Variants in DNAH11 observed in about 807,000 individuals in gnomAD.
DNAH11 encodes the protein axonemal beta dynein heavy chain 11.
In DNAH11, 442 loss-of-function variants were observed where a neutral mutation model predicts 526.0. That is an observed-to-expected ratio of 0.84 (90% CI 0.78 to 0.91). The LOEUF (loss-of-function observed/expected upper bound fraction) is 0.91, where lower values mean the gene tolerates loss of function less well. DNAH11 is among the 40% of genes least tolerant of loss of function. The pLI is 0.00. For missense variants in DNAH11, 6,989 were observed against 5,448.7 expected, an observed-to-expected ratio of 1.28 and a Z score of -8.90; for synonymous variants, 2,461 against 1,935.9, an observed-to-expected ratio of 1.27 and a Z score of -7.12.
chr7:21,710,504 T>C, intron 40 of DNAH11, 49 bp from the exon 41 acceptor site: 2 of 1,490,398 alleles, frequency 1.3e-6, no homozygotes, highest in African/African-American at 1.4e-5. Context: ...AGATGAATAA[T>C]ATCAATCTAT....
In DNAH11 at chr7:21,808,039, T is replaced by G. The variant is rs745917070; in HGVS notation, c.10322T>G (p.Leu3441Arg). ...ELVHCKWVPF[L>R]QQKVSIPLTE... is the part of the protein sequence containing the mutation. The stretch of plus-strand genomic sequence containing the variant: ...GTGCACTGCAAGTGGGTTCCCTTTC[T>G]TCAACAGAAGGTAAGTTCAGTTCCT... The change falls in exon 63 of 82, where the codon CTT (leucine) becomes CGT (arginine). Residue 3441 changes from leucine (L) to arginine (R), a missense_variant. Leu to Arg is a moderately radical substitution (Grantham distance 102). Transcript: ENST00000409508. 1 of 1,536,952 alleles carries G rather than the reference T, an allele frequency of 6.5e-7. No homozygotes were observed. Among genetic ancestry groups the G allele is most frequent in the Non-Finnish European group, 8.9e-7 (1 of 1,129,424 alleles).
At chr7:21,644,291 A>AT (rs113485478) in intron 28 of DNAH11, among the ~76,000 whole-genome samples, 8,590 of 152,240 alleles carry the variant, frequency 0.056, 627 homozygotes, top group Admixed American at 0.22. Context: ...CAGAGCTTCC[A>AT]TTTGGTTATC....
chr7:21,763,767 C>A (rs1396622832), intron 54 of DNAH11, among the ~76,000 whole-genome samples: 1 of 146,478 alleles, frequency 6.8e-6, no homozygotes, highest in East Asian at 1.9e-4. Flanking sequence ...TGTCCATCAA[C>A]AGGCAACTAG....
intron 30 of DNAH11, among the ~76,000 whole-genome samples, chr7:21,672,780 G>A (rs1782696417): frequency 6.6e-6 from 1 of 152,196 alleles, no homozygotes; most frequent in Admixed American, 6.5e-5. Context: ...TAAATTCACG[G>A]TATGGCCTCT....
At chr7:21,676,994 G>C (rs1183226307) in intron 30 of DNAH11, among the ~76,000 whole-genome samples, 1 of 152,192 alleles carries the variant, frequency 6.6e-6, no homozygotes, top group African/African-American at 2.4e-5. Context: ...CAGTGGCTCT[G>C]GGAAAAGGCA....
intron 20 of DNAH11, among the ~76,000 whole-genome samples, chr7:21,607,161 G>T (rs1785326157): frequency 6.6e-6 from 1 of 152,138 alleles, no homozygotes; most frequent in Non-Finnish European, 1.5e-5. Flanking sequence ...CTAGCAAGCT[G>T]GTGTAGGTCC....
chr7:21,804,577 C>T (rs557992094), intron 62 of DNAH11, among the ~76,000 whole-genome samples: 9 of 152,248 alleles, frequency 5.9e-5, no homozygotes, highest in African/African-American at 1.9e-4. Flanking sequence ...TCTGTTCTTC[C>T]AGTTTTTCTG....
At chr7:21,639,381 C>G (rs1765561736) in intron 28 of DNAH11, among the ~76,000 whole-genome samples, 2 of 152,178 alleles carry the variant, frequency 1.3e-5, no homozygotes. Flanking sequence ...CATCCATTGC[C>G]TGGTTAGCAG....
In DNAH11 at chr7:21,836,389, C is replaced by T. The variant is rs182609068; in HGVS notation, c.10692-6155C>T. 4.6e-5 allele frequency among the ~76,000 whole-genome samples: 7 copies of T among 152,080 alleles called. No individual in the cohort carries two copies. In the East Asian group the frequency reaches 9.7e-4, roughly 21 times the overall value. ...TATCACCAAAAGAGCATGGCACTTGCGTAAAAACAAACACATAGACAGATG... is the reference window on the plus strand; with the variant it reads ...TATCACCAAAAGAGCATGGCACTTGTGTAAAAACAAACACATAGACAGATG... On this transcript the variant is annotated intron_variant, in intron 65 of 81. Transcript: ENST00000409508.
chr7:21,855,592 T>G (rs1333091979), intron 68 of DNAH11, among the ~76,000 whole-genome samples: 1 of 152,240 alleles, frequency 6.6e-6, no homozygotes, highest in East Asian at 1.9e-4. Flanking sequence ...CCCAAGAATT[T>G]ACATTTGTTA....
intron 35 of DNAH11, among the ~76,000 whole-genome samples, chr7:21,697,012 GGTTA>G (rs1562495281): frequency 1.3e-5 from 2 of 152,024 alleles, no homozygotes; most frequent in African/African-American, 2.4e-5. Flanking sequence ...AAAAATATGG[GGTTA>G]GTTTAGATAG....
chr7:21,852,772 G>T, intron 67 of DNAH11, 141 bp downstream of exon 67: 1 of 820,202 alleles, frequency 1.2e-6, no homozygotes. Context: ...GCTGCAGTTG[G>T]ACTGTGTGGG....
chr7:21,788,096 T>C (rs763764666), intron 60 of DNAH11, among the ~76,000 whole-genome samples: 1 of 152,194 alleles, frequency 6.6e-6, no homozygotes, highest in African/African-American at 2.4e-5. Flanking sequence ...AGATAGATTA[T>C]ACTTTCATGT....
At chr7:21,822,813 C>G (rs756584510) in intron 65 of DNAH11, among the ~76,000 whole-genome samples, 1 of 152,020 alleles carries the variant, frequency 6.6e-6, no homozygotes, top group African/African-American at 2.4e-5. Flanking sequence ...TGGAATGAGA[C>G]GGTACCTCAT....
At position 21,872,123 on chromosome 7, in the gene DNAH11, C is replaced by CAAAAAAAAAA. The variant is rs776718319; in HGVS notation, c.11968-1134_11968-1125dup. ...TGGGTGACAGAGCGAGACTCTGTCT[C>CAAAAAAAAAA]AAAAAAAAAAAAAAAAAAAAAAAAA... On this transcript the variant is annotated intron_variant, in intron 73 of 81. Transcript: ENST00000409508. Among the ~76,000 whole-genome samples the CAAAAAAAAAA allele has an allele frequency of 1.3e-3, 40 of 30,830 alleles. 6 individuals carry two copies. Among genetic ancestry groups the CAAAAAAAAAA allele is most frequent in the Non-Finnish European group, 1.6e-3 (28 of 17,974 alleles). 20.2% of individuals were successfully genotyped at this position (30,830 alleles called of 152,430 possible).
At chr7:21,549,545 T>G (rs919467569) in intron 2 of DNAH11, among the ~76,000 whole-genome samples, 7 of 151,364 alleles carry the variant, frequency 4.6e-5, no homozygotes, top group Non-Finnish European at 7.4e-5. Context: ...CCTAGGGGGG[T>G]TTTTCCCTGT....
intron 35 of DNAH11, 132 bp from the exon 36 acceptor site, chr7:21,697,943 G>A: frequency 1.1e-6 from 1 of 914,490 alleles, no homozygotes; most frequent in Non-Finnish European, 1.6e-6. Context: ...CTTATTAGCT[G>A]TGATTGACAG....
intron 21 of DNAH11, 25 bp from the exon 22 acceptor site, chr7:21,616,184 C>A (rs560172677): frequency 1.9e-6 from 3 of 1,597,288 alleles, no homozygotes; most frequent in African/African-American, 2.7e-5. Context: ...GTTGTTGACA[C>A]TTTTATCTGC....
At chr7:21,753,042 G>A (rs1427240680) in intron 54 of DNAH11, among the ~76,000 whole-genome samples, 3 of 152,176 alleles carry the variant, frequency 2.0e-5, no homozygotes, top group Non-Finnish European at 1.5e-5. Flanking sequence ...TTGAGCTACA[G>A]TAAGAGAAAA....
Sources: allele counts gnomAD v4.1 joint callset (sites outside exome capture counted in the v4.1 genomes callset), GRCh38; gene constraint gnomAD v4.1.1; transcripts MANE v1.5; gene names NCBI Gene and HGNC (gene_info 2026-07-23, HGNC 2026-07-21).